URB1: variants seen among roughly 807,000 people sequenced by gnomAD.
The protein encoded by URB1 is URB1 ribosome biogenesis factor, also known as nucleolar pre-ribosomal-associated protein 1.
Under a neutral mutation model 242.3 loss-of-function variants are expected in URB1, and 197 were observed. That is an observed-to-expected ratio of 0.81 (90% CI 0.72 to 0.91). The LOEUF is 0.91. Ranked by LOEUF, URB1 falls within the 40% of genes least tolerant of loss-of-function variation. The pLI, the probability that URB1 is intolerant of heterozygous loss-of-function variation, is 0.00. For synonymous variants in URB1, 1,153 were observed against 1,201.8 expected (o/e 0.96, Z 0.84); for missense variants, 2,721 against 2,860.5 (o/e 0.95, Z 1.11).
chr21:32,389,562 G>A (rs1355065907), intron 1 of URB1, among the ~76,000 whole-genome samples: 1 of 152,214 alleles, frequency 6.6e-6, no homozygotes, highest in East Asian at 1.9e-4. Flanking sequence ...AGGGGGAGCA[G>A]ACAGATTCCA....
Position 32,373,677 on chromosome 21 carries a change from C to A in URB1, c.846G>T (p.Gly282=), listed in dbSNP as rs140014898. The change falls in exon 7 of 39, where the codon GGG becomes GGT. Residue 282 remains glycine, a synonymous_variant. Transcript: ENST00000382751. The part of the protein sequence containing the change: ...NHIASLYNWN[G]ITDVNPENVK... ...CATTTTCTGGGTTCACATCGGTAAT[C>A]CCATTCCAGTTGTACAGCGATGCTA... The A allele has an allele frequency of 1.9e-6, 3 of 1,544,472 alleles. No individual in the cohort carries two copies. Among genetic ancestry groups the A allele is most frequent in the Admixed American group, 4.1e-5 (2 of 49,028 alleles).
chr21:32,384,276 A>G (rs1489831190), intron 3 of URB1, 37 bp downstream of exon 3: 2 of 1,535,538 alleles, frequency 1.3e-6, no homozygotes, highest in East Asian at 2.5e-5. Context: ...CCAAACCCAA[A>G]GGCCCATCCT....
chr21:32,357,329 A>C (rs1028125852), intron 15 of URB1, among the ~76,000 whole-genome samples: 1 of 152,156 alleles, frequency 6.6e-6, no homozygotes, highest in African/African-American at 2.4e-5. Context: ...AAAAAAAAAA[A>C]AAACATTTTT....
chr21:32,345,656 T>C, intron 22 of URB1, 81 bp from the exon 23 acceptor site: 1 of 1,380,932 alleles, frequency 7.2e-7, no homozygotes, highest in Non-Finnish European at 9.7e-7. Flanking sequence ...AGGAACTGGT[T>C]GCTATATTTT....
intron 4 of URB1, among the ~76,000 whole-genome samples, chr21:32,383,184 A>G (rs2033545496): frequency 6.6e-6 from 1 of 152,192 alleles, no homozygotes; most frequent in Admixed American, 6.5e-5. Flanking sequence ...CTCAGCCCCC[A>G]GGAGCCTCCT....
rs2033487121 is a variant in URB1, at chr21:32,378,639, A to C, written c.568-98T>G. ...CCAAGCACACCCCTCCCGTCTCAAC[A>C]TCACCAGCCCCCCAGCCTTGTCCCC... On this transcript the variant is annotated intron_variant, in intron 4 of 38. Transcript: ENST00000382751. 4.3e-6 allele frequency: 4 copies of C among 937,732 alleles called. No homozygotes were observed. The Admixed American group carries it at 8.0e-5, about 19-fold the overall frequency. The allele number at this position is 937,732 out of a possible 1,614,324, so 58.1% of individuals were successfully genotyped here. A position where few individuals can be genotyped will look rare whatever the true frequency, so the allele number is the denominator to read the frequency against.
chr21:32,347,952 T>C, intron 21 of URB1, 141 bp from the exon 22 acceptor site: 16 of 1,337,454 alleles, frequency 1.2e-5, no homozygotes, highest in Non-Finnish European at 1.4e-5. Context: ...TCCTCAAGCC[T>C]ACATTTCCAT....
intron 37 of URB1, among the ~76,000 whole-genome samples, chr21:32,317,299 C>T (rs1271275800): frequency 6.6e-6 from 1 of 152,210 alleles, no homozygotes; most frequent in Non-Finnish European, 1.5e-5. Flanking sequence ...CCATTACTGT[C>T]CTCTTTAAAC....
At chr21:32,392,595 A>C (rs1237522276) in intron 1 of URB1, among the ~76,000 whole-genome samples, 174 bp downstream of exon 1, 2 of 152,258 alleles carry the variant, frequency 1.3e-5, no homozygotes, top group African/African-American at 4.8e-5. Flanking sequence ...TGTCGCCGAC[A>C]GTCCAGAGCA....
At chr21:32,384,514 C>A (rs1406106165) in intron 2 of URB1, 50 bp from the exon 3 acceptor site, 1 of 1,535,446 alleles carries the variant, frequency 6.5e-7, no homozygotes, top group Admixed American at 2.0e-5. Context: ...TTCCTTTCCT[C>A]CTGTACATAT....
In URB1 at chr21:32,321,792, C is replaced by G; in HGVS notation, c.5484+9G>C. The G allele has an allele frequency of 6.4e-7, 1 of 1,551,538 alleles. No individual in the cohort carries two copies. The highest frequency in any genetic ancestry group is 8.7e-7 in the Non-Finnish European group (1 of 1,146,902). On this transcript the variant is annotated intron_variant, in intron 34 of 38. Coordinates refer to ENST00000382751, the MANE Select transcript of URB1 (RefSeq NM_014825.3). ...CTCGCTCTCAAATAAGCTTGCGGAA[C>G]CCATGTACCTGTGCTGCCTCGTCAC...
Position 32,315,012 on chromosome 21 carries a change from A to G in URB1, c.6722T>C (p.Met2241Thr), listed in dbSNP as rs372172819. 7 of 1,551,504 alleles carry G rather than the reference A, an allele frequency of 4.5e-6. No homozygotes were observed. The East Asian group carries it at 1.2e-4, about 27-fold the overall frequency. ...GGCATCATCTGCGGCCTCACACACC[A>G]TCCGGACGTGGGTTAAGAGGGTGTC... ...RPDTLLTHVR[M>T]VCEAADDAPS... The change falls in exon 39 of 39, where the codon ATG (methionine) becomes ACG (threonine). Residue 2241 changes from methionine (M) to threonine (T), a missense_variant. Met to Thr is a moderately conservative substitution (Grantham distance 81, BLOSUM62 -1). Transcript: ENST00000382751.
chr21:32,332,053 C>G (rs2032899167), intron 30 of URB1, among the ~76,000 whole-genome samples: 1 of 152,222 alleles, frequency 6.6e-6, no homozygotes, highest in Admixed American at 6.5e-5. Context: ...TCTCAACCAA[C>G]AGTCACAAGC....
At chr21:32,359,720 G>A in intron 14 of URB1, 76 bp downstream of exon 14, 3 of 1,304,282 alleles carry the variant, frequency 2.3e-6, no homozygotes, top group Non-Finnish European at 2.1e-6. Flanking sequence ...GAGCCAATTA[G>A]CAATTCATCA....
intron 4 of URB1, among the ~76,000 whole-genome samples, chr21:32,381,957 A>G (rs1293475312): frequency 1.3e-5 from 2 of 152,232 alleles, no homozygotes; most frequent in African/African-American, 4.8e-5. Flanking sequence ...TAAGATATCT[A>G]AGATACTTAT....
chr21:32,324,655 G>A (rs2032807515), intron 31 of URB1, 53 bp from the exon 32 acceptor site: 7 of 1,381,150 alleles, frequency 5.1e-6, no homozygotes, highest in Admixed American at 3.9e-5. Flanking sequence ...TCAGAGCTAT[G>A]GTCAGTCCTC....
chr21:32,384,323 A>G lies in URB1; in HGVS notation c.424T>C (p.Ser142Pro), dbSNP rs1226151890. The change falls in exon 3 of 39, where the codon TCA becomes CCA. Residue 142 changes from serine to proline, a missense_variant. Physicochemically the swap from Ser to Pro is moderately conservative, Grantham distance 74. Coordinates refer to ENST00000382751, the MANE Select transcript of URB1 (RefSeq NM_014825.3). ...MKLICESLYA[S>P]GYRLARACLS... ...AGGCAGACTGCCTACCTGTAACCTGAGGCATACAGGGACTCACAGATGAGC... is the reference window on the plus strand; with the variant it reads ...AGGCAGACTGCCTACCTGTAACCTGGGGCATACAGGGACTCACAGATGAGC... The G allele has an allele frequency of 6.4e-7, 1 of 1,551,536 alleles. No homozygotes were observed. The highest frequency in any genetic ancestry group is 8.7e-7 in the Non-Finnish European group (1 of 1,146,442).
chr21:32,380,841 G>A (rs146139880), intron 4 of URB1, among the ~76,000 whole-genome samples: 30 of 152,296 alleles, frequency 2.0e-4, no homozygotes, highest in Admixed American at 5.9e-4. Context: ...TAACAGTACT[G>A]GGAGTCAGGG....
Position 32,325,213 on chromosome 21 carries a change from C to T in URB1, c.5121+16G>A, listed in dbSNP as rs1287966882. 2.1e-5 allele frequency: 32 copies of T among 1,544,940 alleles called. No homozygotes were observed. Among genetic ancestry groups the T allele is most frequent in the African/African-American group, 4.1e-5 (3 of 73,056 alleles). ...AGGCCCACCCCCACAGTAGGATGTACGCTCTTCCTACTTACCTGGGACTGC... is the reference window on the plus strand; with the variant it reads ...AGGCCCACCCCCACAGTAGGATGTATGCTCTTCCTACTTACCTGGGACTGC... On this transcript the variant is annotated intron_variant, in intron 31 of 38. Coordinates refer to ENST00000382751, the MANE Select transcript of URB1 (RefSeq NM_014825.3).
Sources: allele counts gnomAD v4.1 joint callset (sites outside exome capture counted in the v4.1 genomes callset), GRCh38; gene constraint gnomAD v4.1.1; transcripts MANE v1.5; gene names NCBI Gene and HGNC (gene_info 2026-07-23, HGNC 2026-07-21).